The following THAP9 variants were observed in gnomAD, a reference collection of about 807,000 sequenced individuals.
THAP9 encodes THAP domain containing 9.
Under a neutral mutation model 35.7 loss-of-function variants are expected in THAP9, and 20 were observed. That is an observed-to-expected ratio of 0.56 (90% CI 0.39 to 0.81). The LOEUF is 0.81. Among genes scored for constraint, THAP9 ranks in the 40% least tolerant of loss-of-function variants. The pLI is 0.00. For missense variants in THAP9, 870 were observed against 1,047.4 expected, an observed-to-expected ratio of 0.83 and a Z score of 2.34; for synonymous variants, 335 against 373.7, an observed-to-expected ratio of 0.90 and a Z score of 1.19.
At chr4:82,901,003 C>T (rs905379149) in intron 1 of THAP9, 121 bp downstream of exon 1, 42 of 1,190,192 alleles carry the variant, frequency 3.5e-5, no homozygotes, top group Non-Finnish European at 5.1e-5. Flanking sequence ...CGCGACGTGA[C>T]GTGCGCAGCG....
At chr4:82,910,779 A>C in intron 4 of THAP9, 1 of 449,582 alleles carries the variant, frequency 2.2e-6, no homozygotes, top group Middle Eastern at 3.3e-4. Context: ...AGGAGGGAGT[A>C]GTCCACTATG....
rs535419993 is a variant in THAP9 at position 82,907,801 on chromosome 4, A to G, written c.597A>G (p.Leu199=). ...RAQFSDFKWE[L]YNWRETDEYS... ...TTTTAACAGATTTTAAGTGGGAGTT[A>G]TATAATTGGAGAGAAACAGATGAGT... The change falls in exon 4 of 5, where the codon TTA becomes TTG. Residue 199 remains leucine (L), a synonymous_variant. Coordinates refer to ENST00000302236, the MANE Select transcript of THAP9 (RefSeq NM_024672.6). The G allele has an allele frequency of 6.3e-7, 1 of 1,586,196 alleles. No individual in the cohort carries two copies. Among genetic ancestry groups the G allele is most frequent in the South Asian group, 1.2e-5 (1 of 83,192 alleles).
In THAP9 at chr4:82,917,917, A is replaced by T; in HGVS notation, c.1705A>T (p.Lys569Ter). 1 of 1,613,964 alleles carries T rather than the reference A, an allele frequency of 6.2e-7. No individual in the cohort carries two copies. Among genetic ancestry groups the T allele is most frequent in the Non-Finnish European group, 8.5e-7 (1 of 1,179,958 alleles). Reference sequence around the variant, plus strand: ...TAGCAATAATCAAATAATTAAAGGTAAGCAAAAACTAGGATTCCTGGGATT... The same window carrying T: ...TAGCAATAATCAAATAATTAAAGGTTAGCAAAAACTAGGATTCCTGGGATT... Reference protein sequence around the residue: ...DTSNNQIIKGKQKLGFLGFLL... With the variant: ...DTSNNQIIKG The change falls in exon 5 of 5, where the codon AAG (lysine) becomes TAG (stop). Residue 569 changes from lysine to a stop codon, truncating the protein, a stop_gained. Coordinates refer to ENST00000302236, the MANE Select transcript of THAP9 (RefSeq NM_024672.6). LOFTEE classifies it high-confidence loss of function.
rs1357658856 is a variant in THAP9, at chr4:82,906,335, T to C, written c.288T>C (p.Gly96=). 2 of 1,591,316 alleles carry C rather than the reference T, an allele frequency of 1.3e-6. No homozygotes were observed. Among genetic ancestry groups the C allele is most frequent in the African/African-American group, 2.7e-5 (2 of 73,784 alleles). The change falls in exon 3 of 5, where the codon GGT becomes GGC. Residue 96 remains glycine, a synonymous_variant. Transcript: ENST00000302236. ...TATATCTGTCATAGATTCCTCAAGG[T>C]GTACATCTTAAAGGTAAAGCAAGAC... ...PSVSLYKIPQ[G]VHLKGKARQK...
In THAP9 at chr4:82,918,233, T is replaced by G. The variant is rs1386983839; in HGVS notation, c.2021T>G (p.Val674Gly). Reference protein sequence around the residue: ...ARRKDLALWTVQRQYGVSVTK... With the variant: ...ARRKDLALWTGQRQYGVSVTK... The stretch of plus-strand genomic sequence containing the variant: ...AGGAAAGACTTGGCGCTTTGGACAG[T>G]TCAACGTCAGTATGGTGTCAGCGTT... Residue 674 changes from valine to glycine, a missense_variant, in exon 5 of 5, where the codon GTT becomes GGT. By Grantham distance (109) the Val-to-Gly change is moderately radical (BLOSUM62 -3). Around this residue, in one of 3 missense-constraint regions of THAP9, gnomAD observed 414 missense variants for 500.8 expected, o/e 0.83. Coordinates refer to ENST00000302236, the MANE Select transcript of THAP9 (RefSeq NM_024672.6). The G allele has an allele frequency of 1.2e-6, 2 of 1,614,092 alleles. No individual in the cohort carries two copies. Among genetic ancestry groups the G allele is most frequent in the Admixed American group, 1.7e-5 (1 of 60,006 alleles).
chr4:82,918,683 GAGAAGTGTGTGC>G lies in THAP9; in HGVS notation c.2472_2483del (p.Glu825_Ala828del). 2.5e-6 allele frequency: 4 copies of G among 1,613,910 alleles called. No individual in the cohort carries two copies. Among genetic ancestry groups the G allele is most frequent in the Non-Finnish European group, 3.4e-6 (4 of 1,179,884 alleles). On this transcript the variant is annotated inframe_deletion, in exon 5 of 5. Transcript: ENST00000302236. ...GATGTGAATAAGCATCTCTTTGATG[GAGAAGTGTGTGC>G]CATCAATCACTTTGTCAAGTTGCTA...
rs778595696 is a variant in THAP9 at position 82,917,015 on chromosome 4, A to G, written c.803A>G (p.Glu268Gly). 1.9e-6 allele frequency: 3 copies of G among 1,583,802 alleles called. No individual in the cohort carries two copies. Among genetic ancestry groups the G allele is most frequent in the Non-Finnish European group, 2.6e-6 (3 of 1,168,174 alleles). The change falls in exon 5 of 5, where the codon GAG (glutamate) becomes GGG (glycine). Residue 268 changes from glutamate (E) to glycine (G), a missense_variant. Coordinates refer to ENST00000302236, the MANE Select transcript of THAP9 (RefSeq NM_024672.6). ...NIFSFLQRRV[E>G]NGDQLYQYCS... The stretch of plus-strand genomic sequence containing the variant: ...TTTTCTTTTCTTCAACGAAGAGTAG[A>G]GAATGGAGATCAGCTCTATCAATAC...
chr4:82,902,105 CTTT>C (rs768693634), intron 1 of THAP9, among the ~76,000 whole-genome samples: 2 of 104,496 alleles, frequency 1.9e-5, no homozygotes, highest in Admixed American at 1.3e-4. Flanking sequence ...CATTTTCCTT[CTTT>C]TTTTTTTTTT....
intron 4 of THAP9, among the ~76,000 whole-genome samples, 199 bp downstream of exon 4, chr4:82,908,134 C>T (rs895239525): frequency 3.9e-5 from 6 of 152,128 alleles, no homozygotes; most frequent in African/African-American, 1.4e-4. Flanking sequence ...ATTATTAGCC[C>T]ATTTTTGTTC....
rs1303595273 is a variant in THAP9, at chr4:82,907,709, TTATATCCAAATGC to T, written c.581-71_581-59del. ...TTTGAATTCTGATGCCCAGTGCATT[TTATATCCAAATGC>T]TATAATCTGTACCTGAAAATTTTAC... On this transcript the variant is annotated intron_variant, in intron 3 of 4. Transcript: ENST00000302236. 1.6e-5 allele frequency: 18 copies of T among 1,124,354 alleles called. 1 individual carries two copies. In the Admixed American group the frequency reaches 3.2e-4, roughly 20 times the overall value. 69.6% of individuals were successfully genotyped at this position (1,124,354 alleles called of 1,614,324 possible).
At chr4:82,908,675 C>G (rs1020969935) in intron 4 of THAP9, among the ~76,000 whole-genome samples, 3 of 152,230 alleles carry the variant, frequency 2.0e-5, no homozygotes, top group African/African-American at 4.8e-5. Context: ...TCACTGCAAC[C>G]TTGCCTTCCA....
At position 82,900,851 on chromosome 4, in the gene THAP9, C is replaced by T. The variant is rs142923242; in HGVS notation, c.49C>T (p.Leu17Phe). The T allele has an allele frequency of 6.2e-7, 1 of 1,613,544 alleles. No homozygotes were observed. Among genetic ancestry groups the T allele is most frequent in the South Asian group, 1.1e-5 (1 of 91,084 alleles). ...GGGCTGCAGCACCCGTGACACCGTG[C>T]TCAGCCGGGAGCGCGGCCTCTCCTT... The part of the protein sequence containing the change: ...AVGCSTRDTV[L>F]SRERGLSFHQ... Residue 17 changes from leucine to phenylalanine, a missense_variant, in exon 1 of 5, where the codon CTC becomes TTC. Around this residue, in one of 3 missense-constraint regions of THAP9, gnomAD observed 440 missense variants for 501.2 expected, o/e 0.88. Transcript: ENST00000302236.
chr4:82,907,764 T>TA (rs768897545), intron 3 of THAP9, 21 bp from the exon 4 acceptor site: 2 of 1,554,154 alleles, frequency 1.3e-6, no homozygotes, highest in Non-Finnish European at 1.7e-6. Context: ...TCACAAAGAA[T>TA]AAAAAAATTT....
Position 82,918,750 on chromosome 4 carries a change from C to T in THAP9, c.2538C>T (p.Ile846=). ...LKDIIICFLN[I]RAKNVAQNPL... ...ATATAATAATCTGTTTCTTAAATAT[C>T]AGAGCTAAAAATGTTGCACAGAATC... Residue 846 remains isoleucine, a synonymous_variant, in exon 5 of 5, where the codon ATC becomes ATT. Coordinates refer to ENST00000302236, the MANE Select transcript of THAP9 (RefSeq NM_024672.6). 2 of 1,613,774 alleles carry T rather than the reference C, an allele frequency of 1.2e-6. No homozygotes were observed. The highest frequency in any genetic ancestry group is 1.7e-6 in the Non-Finnish European group (2 of 1,179,890).
chr4:82,904,058 C>CTTTTTTTTTTTTTTTTTTT (rs59655406), intron 1 of THAP9, among the ~76,000 whole-genome samples: 23 of 82,220 alleles, frequency 2.8e-4, no homozygotes, highest in Non-Finnish European at 2.9e-4. Context: ...TAGGCTCCCC[C>CTTTTTTTTTTTTTTTTTTT]TTTTTTTTTT....
Position 82,917,440 on chromosome 4 carries a change from G to A in THAP9, c.1228G>A (p.Ala410Thr). 1 of 1,613,980 alleles carries A rather than the reference G, an allele frequency of 6.2e-7. No homozygotes were observed. The highest frequency in any genetic ancestry group is 8.5e-7 in the Non-Finnish European group (1 of 1,179,968). ...TCCTTCATCTTCTAGTCAACAGATT[G>A]CATACTTCTTTGACTCTTGCCACTT... ...QHPSSSSQQI[A>T]YFFDSCHLLR... The change falls in exon 5 of 5, where the codon GCA (alanine) becomes ACA (threonine). Residue 410 changes from alanine to threonine, a missense_variant. This residue lies in a region of THAP9 where 440 missense variants were observed against 501.2 expected (regional missense o/e 0.88). Coordinates refer to ENST00000302236, the MANE Select transcript of THAP9 (RefSeq NM_024672.6).
At position 82,918,653 on chromosome 4, in the gene THAP9, T is replaced by C. The variant is rs752500665; in HGVS notation, c.2441T>C (p.Phe814Ser). ...LCELSGHINL[F>S]VDVNKHLFDG... ...GAGCTTTCTGGGCATATTAATCTTT[T>C]TGTAGATGTGAATAAGCATCTCTTT... Residue 814 changes from phenylalanine (F) to serine (S), a missense_variant, in exon 5 of 5, where the codon TTT becomes TCT. Phe to Ser is a radical substitution (Grantham distance 155). Transcript: ENST00000302236. The C allele has an allele frequency of 2.1e-5, 34 of 1,613,962 alleles. No individual in the cohort carries two copies. In the East Asian group the frequency reaches 7.4e-4, roughly 35 times the overall value.
chr4:82,917,101 C>T lies in THAP9; in HGVS notation c.889C>T (p.His297Tyr). Residue 297 changes from histidine to tyrosine, a missense_variant, in exon 5 of 5, where the codon CAC becomes TAC. By Grantham distance (83) the His-to-Tyr change is moderately conservative. This residue lies in a region of THAP9 where 440 missense variants were observed against 501.2 expected (regional missense o/e 0.88). Transcript: ENST00000302236. ...KQQLQWDPSS[H>Y]SLQGFMDFGL... Reference sequence around the variant, plus strand: ...ACAGCTTCAGTGGGATCCTAGCAGTCACAGTTTGCAGGGGTTTATGGACTT... The same window carrying T: ...ACAGCTTCAGTGGGATCCTAGCAGTTACAGTTTGCAGGGGTTTATGGACTT... 1 of 1,613,444 alleles carries T rather than the reference C, an allele frequency of 6.2e-7. No individual in the cohort carries two copies. Among genetic ancestry groups the T allele is most frequent in the Non-Finnish European group, 8.5e-7 (1 of 1,179,732 alleles).
chr4:82,901,229 C>T (rs1445681670), intron 1 of THAP9: 11 of 529,514 alleles, frequency 2.1e-5, no homozygotes, highest in Non-Finnish European at 3.6e-5. Flanking sequence ...GTGTGTGTGG[C>T]GTCTTCCTGA....
Sources: gnomAD v4.1 joint callset for allele counts (sites outside exome capture counted in the v4.1 genomes callset) on GRCh38, gnomAD v4.1.1 for gene constraint, gnomAD v4.1.1 regional missense constraint, MANE v1.5 for transcripts, NCBI Gene and HGNC (gene_info 2026-07-23, HGNC 2026-07-21) for gene names.